Variants in PPL observed in about 807,000 individuals in gnomAD.
PPL encodes 190 kDa paraneoplastic pemphigus antigen.
In PPL, 198 loss-of-function variants were observed where a neutral mutation model predicts 194.4. The ratio of observed to expected loss-of-function variants is 1.02; its 90% CI spans 0.91 to 1.15. The LOEUF is 1.15. Ranked by LOEUF, PPL falls within the 50% of genes most tolerant of loss-of-function variation. The pLI, the probability that PPL is intolerant of heterozygous loss-of-function variation, is 0.00. For missense variants in PPL, 2,885 were observed against 2,294.8 expected, an observed-to-expected ratio of 1.26 and a Z score of -5.25; for synonymous variants, 1,220 against 972.4, an observed-to-expected ratio of 1.25 and a Z score of -4.74.
chr16:4,885,655 G>T lies in PPL; in HGVS notation c.3000C>A (p.Ile1000=), dbSNP rs749462562. The T allele has an allele frequency of 3.1e-6, 5 of 1,612,726 alleles. No homozygotes were observed. The East Asian group carries it at 1.1e-4, about 36-fold the overall frequency. ...QEYVVKEVLR[I]EPDRAQADEV... ...CATCCGCCTGGGCCCTGTCAGGCTCGATGCGCAGGACCTCCTTGACCACGT... is the reference window on the plus strand; with the variant it reads ...CATCCGCCTGGGCCCTGTCAGGCTCTATGCGCAGGACCTCCTTGACCACGT... Residue 1000 remains isoleucine, a synonymous_variant, in exon 22 of 22, where the codon ATC becomes ATA. Coordinates refer to ENST00000345988, the MANE Select transcript of PPL (RefSeq NM_002705.5). The surrounding 1 kb of genome is among the most constrained non-coding windows in gnomAD (Gnocchi z 6.3).
Position 4,883,854 on chromosome 16 carries a change from C to T in PPL, c.4801G>A (p.Val1601Met), listed in dbSNP as rs34469784. 99 of 1,614,072 alleles carry T rather than the reference C, an allele frequency of 6.1e-5. No homozygotes were observed. The East Asian group carries it at 2.0e-3, about 33-fold the overall frequency. ...TCATGGTTGGTCCCAGAGTCCGCCA[C>T]GGTCATGTTCCGCAGGTCTCGTGTT... ...TETRDLRNMT[V>M]ADSGTNHDSR... The change falls in exon 22 of 22, where the codon GTG becomes ATG. Residue 1601 changes from valine (V) to methionine (M), a missense_variant. Transcript: ENST00000345988. This position sits in a 1 kb window ranked among gnomAD's most constrained non-coding sequence, Gnocchi z 4.8.
chr16:4,926,710 C>T (rs979109809), intron 1 of PPL, among the ~76,000 whole-genome samples: 5 of 151,886 alleles, frequency 3.3e-5, no homozygotes, highest in South Asian at 2.1e-4. Flanking sequence ...CCCATCTCTA[C>T]GATAAATACA....
In PPL at chr16:4,884,697, TCTG is replaced by T. The variant is rs1567983653; in HGVS notation, c.3955_3957del (p.Gln1319del). ...TCCCTCTCCAGATCCACTTGTTTCT[TCTG>T]CTCCTCTGAGAGCTTTGCCCTCAGA... On this transcript the variant is annotated inframe_deletion, in exon 22 of 22. Transcript: ENST00000345988. This position sits in a 1 kb window ranked among gnomAD's most constrained non-coding sequence, Gnocchi z 5.7. 1 of 1,614,144 alleles carries T rather than the reference TCTG, an allele frequency of 6.2e-7. No homozygotes were observed. The highest frequency in any genetic ancestry group is 1.7e-5 in the Admixed American group (1 of 60,010).
intron 1 of PPL, among the ~76,000 whole-genome samples, chr16:4,914,615 C>T (rs2088883655): frequency 6.6e-6 from 1 of 152,134 alleles, no homozygotes; most frequent in African/African-American, 2.4e-5. Context: ...AAGTGGGGTC[C>T]CAGGAACCCA....
At chr16:4,919,542 G>T (rs1156682916) in intron 1 of PPL, among the ~76,000 whole-genome samples, 3 of 152,084 alleles carry the variant, frequency 2.0e-5, no homozygotes, top group African/African-American at 4.8e-5. Context: ...AGGATTACAG[G>T]TATGAGCCAC....
chr16:4,885,606 G>C lies in PPL; in HGVS notation c.3049C>G (p.Leu1017Val), dbSNP rs1203427638. The change falls in exon 22 of 22, where the codon CTG becomes GTG. Residue 1017 changes from leucine to valine, a missense_variant. Leu to Val is a conservative substitution (Grantham distance 32). Coordinates refer to ENST00000345988, the MANE Select transcript of PPL (RefSeq NM_002705.5). This position sits in a 1 kb window ranked among gnomAD's most constrained non-coding sequence, Gnocchi z 6.3. ...ADEVLQLREE[L>V]EALRRQKGAR... is the part of the protein sequence containing the mutation. ...CCCTTCTGCCGCCTCAGTGCCTCCAGCTCCTCCCGCAGCTGCAAGACCTCA... is the reference window on the plus strand; with the variant it reads ...CCCTTCTGCCGCCTCAGTGCCTCCACCTCCTCCCGCAGCTGCAAGACCTCA... The C allele has an allele frequency of 6.2e-7, 1 of 1,612,292 alleles. No homozygotes were observed. The highest frequency in any genetic ancestry group is 2.2e-5 in the East Asian group (1 of 44,702).
intron 1 of PPL, among the ~76,000 whole-genome samples, chr16:4,920,318 G>GA (rs60456285): frequency 6.5e-5 from 1 of 15,298 alleles, no homozygotes; most frequent in Non-Finnish European, 3.2e-4. Context: ...AAGAAGGAAA[G>GA]AAAAGAAAGA....
At chr16:4,904,316 T>C (rs2088638846) in intron 2 of PPL, among the ~76,000 whole-genome samples, 1 of 152,150 alleles carries the variant, frequency 6.6e-6, no homozygotes, top group Non-Finnish European at 1.5e-5. Flanking sequence ...GTACCTACTG[T>C]ATGCAAGGAG....
chr16:4,928,628 G>C (rs1329800496), intron 1 of PPL, among the ~76,000 whole-genome samples: 3 of 152,212 alleles, frequency 2.0e-5, no homozygotes, highest in Non-Finnish European at 2.9e-5. Context: ...CATGGCGATG[G>C]TTTGTTTCCC....
At chr16:4,900,411 T>C (rs1051618295) in intron 6 of PPL, among the ~76,000 whole-genome samples, 1 of 148,508 alleles carries the variant, frequency 6.7e-6, no homozygotes, top group Admixed American at 6.8e-5. Context: ...ACCCCTCTCC[T>C]GATTGAAACG....
At chr16:4,890,362 G>A (rs2088296638) in intron 17 of PPL, 28 bp from the exon 18 acceptor site, 5 of 1,571,114 alleles carry the variant, frequency 3.2e-6, no homozygotes, top group Middle Eastern at 1.7e-4. Context: ...TCAGGCCTCA[G>A]CCACAGCAAA....
chr16:4,902,978 C>A lies in PPL; in HGVS notation c.318-452G>T, dbSNP rs904974355. 6.6e-6 allele frequency among the ~76,000 whole-genome samples: 1 copy of A among 152,156 alleles called. No homozygotes were observed. Among genetic ancestry groups the A allele is most frequent in the Non-Finnish European group, 1.5e-5 (1 of 68,034 alleles). ...TGCTGGGATCACAGGCGTGAGCCAC[C>A]GTGCCTGGCCCCACCCACTTTCCCT... On this transcript the variant is annotated intron_variant, in intron 3 of 21. Coordinates refer to ENST00000345988, the MANE Select transcript of PPL (RefSeq NM_002705.5). This position sits in a 1 kb window ranked among gnomAD's most constrained non-coding sequence, Gnocchi z 4.0.
intron 1 of PPL, among the ~76,000 whole-genome samples, chr16:4,934,693 C>G (rs1031891607): frequency 6.6e-6 from 1 of 152,126 alleles, no homozygotes; most frequent in Admixed American, 6.5e-5. Context: ...ACTTGGGGAT[C>G]CACTCCCTGT....
rs932196677 is a variant in PPL, at chr16:4,902,801, T to C, written c.318-275A>G. Among the ~76,000 whole-genome samples, 6 of 152,106 alleles carry C rather than the reference T, an allele frequency of 3.9e-5. No homozygotes were observed. Among genetic ancestry groups the C allele is most frequent in the African/African-American group, 1.4e-4 (6 of 41,436 alleles). On this transcript the variant is annotated intron_variant, in intron 3 of 21. Transcript: ENST00000345988. This position sits in a 1 kb window ranked among gnomAD's most constrained non-coding sequence, Gnocchi z 4.0. ...GCCTCCCAGGTTCAAGCAATTCTCC[T>C]GCCTCAACCTCCCGAGTAGCTGGGA... is the stretch of plus-strand genomic sequence containing the variant.
chr16:4,886,524 C>T (rs1329679675), intron 21 of PPL, among the ~76,000 whole-genome samples: 3 of 152,250 alleles, frequency 2.0e-5, no homozygotes, highest in African/African-American at 7.2e-5. Context: ...TAGCCCATTG[C>T]TGATGAAGAG....
At chr16:4,934,146 A>G (rs1026105609) in intron 1 of PPL, among the ~76,000 whole-genome samples, 2 of 152,252 alleles carry the variant, frequency 1.3e-5, no homozygotes, top group Non-Finnish European at 2.9e-5. Flanking sequence ...CACCTGCACC[A>G]TCTGGCCTGA....
At chr16:4,910,151 G>C (rs908563790) in intron 2 of PPL, among the ~76,000 whole-genome samples, 1 of 152,178 alleles carries the variant, frequency 6.6e-6, no homozygotes, top group African/African-American at 2.4e-5. Context: ...CCACTGGGCA[G>C]TTGTTATCCC....
chr16:4,917,374 G>C (rs2088944171), intron 1 of PPL, among the ~76,000 whole-genome samples: 1 of 152,178 alleles, frequency 6.6e-6, no homozygotes, highest in South Asian at 2.1e-4. Flanking sequence ...GGAACCTCGA[G>C]AATGTTATGC....
At chr16:4,907,709 A>G (rs1205024205) in intron 2 of PPL, among the ~76,000 whole-genome samples, 1 of 152,154 alleles carries the variant, frequency 6.6e-6, no homozygotes, top group Non-Finnish European at 1.5e-5. Context: ...ATGTTATGTG[A>G]ATCTCCCCTC....
Sources: allele counts gnomAD v4.1 joint callset (sites outside exome capture counted in the v4.1 genomes callset), GRCh38; gene constraint gnomAD v4.1.1; non-coding constraint Gnocchi (gnomAD v3.1); transcripts MANE v1.5; gene names NCBI Gene and HGNC (gene_info 2026-07-23, HGNC 2026-07-21).